SYNE2: variants seen among roughly 807,000 people sequenced by gnomAD.
SYNE2 encodes spectrin repeat containing nuclear envelope protein 2, also known as nesprin-2.
SYNE2 carries 431 observed loss-of-function variants against 856.3 expected under a neutral mutation model. The observed-to-expected ratio is 0.50, with a 90% confidence interval of 0.47 to 0.55. SYNE2 has a LOEUF of 0.55. SYNE2 is among the 20% of genes least tolerant of loss of function. The probability of loss-of-function intolerance (pLI) is 0.00; values close to 1 mark genes in which losing one functional copy is unlikely to be tolerated. For synonymous variants in SYNE2, 2,923 were observed against 2,872.3 expected, an observed-to-expected ratio of 1.02 and a Z score of -0.56; for missense variants, 8,129 against 8,023.2, an observed-to-expected ratio of 1.01 and a Z score of -0.50.
chr14:64,170,549 T>C, intron 94 of SYNE2, 87 bp downstream of exon 94: 2 of 1,340,862 alleles, frequency 1.5e-6, no homozygotes, highest in African/African-American at 1.5e-5. Flanking sequence ...ATGTTTTTGA[T>C]GATGATGTGA....
intron 100 of SYNE2, among the ~76,000 whole-genome samples, chr14:64,203,663 T>C (rs2098590112): frequency 6.6e-6 from 1 of 152,244 alleles, no homozygotes; most frequent in South Asian, 2.1e-4. Context: ...CTTTACTTTT[T>C]TTTTAAATAG....
At chr14:63,948,166 T>TAC (rs59063086) in intron 6 of SYNE2, among the ~76,000 whole-genome samples, 4,399 of 147,316 alleles carry the variant, frequency 0.03, 70 homozygotes, top group African/African-American at 0.045. Context: ...GACACACACA[T>TAC]ACACACACAC....
chr14:64,029,763 C>A, intron 43 of SYNE2, 132 bp from the exon 44 acceptor site: 2 of 1,110,730 alleles, frequency 1.8e-6, no homozygotes, highest in Non-Finnish European at 2.6e-6. Context: ...ATCTTTAGAA[C>A]TCTAATTTAT....
intron 20 of SYNE2, 42 bp from the exon 21 acceptor site, chr14:63,990,900 A>G (rs1476809031): frequency 1.3e-6 from 2 of 1,537,154 alleles, no homozygotes; most frequent in Non-Finnish European, 1.8e-6. Flanking sequence ...ATTTATTAAG[A>G]ATTGGTCCCC....
intron 99 of SYNE2, among the ~76,000 whole-genome samples, chr14:64,195,901 C>A (rs770937625): frequency 9.2e-5 from 14 of 152,184 alleles, no homozygotes; most frequent in Non-Finnish European, 2.1e-4. Flanking sequence ...TCCTCACTTC[C>A]ATTTTCCTTC....
intron 1 of SYNE2, among the ~76,000 whole-genome samples, chr14:63,813,428 T>C (rs1270076135): frequency 6.6e-6 from 1 of 152,240 alleles, no homozygotes; most frequent in African/African-American, 2.4e-5. Context: ...TTTCCTCCAA[T>C]GTCTAGCTAT....
At chr14:64,174,333 A>G (rs753434615) in intron 94 of SYNE2, among the ~76,000 whole-genome samples, 1 of 152,136 alleles carries the variant, frequency 6.6e-6, no homozygotes, top group East Asian at 1.9e-4. Flanking sequence ...TGGCCTCCCA[A>G]AGTGCTGGGA....
At chr14:64,041,531 A>T (rs1347249043) in intron 45 of SYNE2, among the ~76,000 whole-genome samples, 1 of 152,158 alleles carries the variant, frequency 6.6e-6, no homozygotes, top group Non-Finnish European at 1.5e-5. Context: ...AGAAGGCAGG[A>T]CTCGTATGTC....
At chr14:64,125,790 CAT>C (rs2097939244) in intron 71 of SYNE2, among the ~76,000 whole-genome samples, 1 of 152,172 alleles carries the variant, frequency 6.6e-6, no homozygotes, top group South Asian at 2.1e-4. Context: ...TGCTTGGAGT[CAT>C]ACACCTAAGC....
chr14:64,215,929 C>T (rs2098664339), intron 107 of SYNE2: 1 of 1,310,860 alleles, frequency 7.6e-7, no homozygotes, highest in African/African-American at 1.5e-5. Flanking sequence ...TCCTGAGAGG[C>T]CTTCTGCCAT....
intron 1 of SYNE2, among the ~76,000 whole-genome samples, chr14:63,787,199 ATCTTC>A (rs1566565967): frequency 6.6e-6 from 1 of 152,124 alleles, no homozygotes; most frequent in African/African-American, 2.4e-5. Context: ...AACATTCCAA[ATCTTC>A]TCTTCTAGCT....
intron 45 of SYNE2, among the ~76,000 whole-genome samples, chr14:64,038,684 A>G (rs1297093651): frequency 6.6e-6 from 1 of 152,238 alleles, no homozygotes; most frequent in Non-Finnish European, 1.5e-5. Context: ...CCATCAAAAA[A>G]ATACGAAAAC....
intron 8 of SYNE2, among the ~76,000 whole-genome samples, chr14:63,958,931 C>A (rs545974886): frequency 6.6e-6 from 1 of 152,208 alleles, no homozygotes; most frequent in African/African-American, 2.4e-5. Flanking sequence ...GGAGCTCTTT[C>A]AGTTGGCTCT....
At chr14:64,191,073 T>C (rs1370977374) in intron 99 of SYNE2, 6 of 701,928 alleles carry the variant, frequency 8.5e-6, no homozygotes, top group Admixed American at 6.0e-5. Context: ...GAATTTGGAA[T>C]ATACAGGAGA....
At chr14:64,130,394 T>G (rs1250632773) in intron 76 of SYNE2, 146 bp downstream of exon 76, 1 of 795,550 alleles carries the variant, frequency 1.3e-6, no homozygotes, top group African/African-American at 1.7e-5. Flanking sequence ...GAATGCTTAA[T>G]GTGTACCAGG....
intron 93 of SYNE2, among the ~76,000 whole-genome samples, chr14:64,169,452 G>A (rs1011541234): frequency 6.6e-6 from 1 of 152,238 alleles, no homozygotes; most frequent in African/African-American, 2.4e-5. Context: ...GTGCCAATCA[G>A]GCTGAACAGA....
At position 64,140,048 on chromosome 14, in the gene SYNE2, T is replaced by A; in HGVS notation, c.14951T>A (p.Ile4984Asn). 6.2e-7 allele frequency: 1 copy of A among 1,613,888 alleles called. No individual in the cohort carries two copies. Among genetic ancestry groups the A allele is most frequent in the Non-Finnish European group, 8.5e-7 (1 of 1,179,970 alleles). Reference sequence around the variant, plus strand: ...AATGTGTCTCAGGACTTGGATACAATCAGAAGCAACATCAACAATTTTTTT... The same window carrying A: ...AATGTGTCTCAGGACTTGGATACAAACAGAAGCAACATCAACAATTTTTTT... ...SLNVSQDLDT[I>N]RSNINNFFEF... is the part of the protein sequence containing the mutation. Residue 4984 changes from isoleucine to asparagine, a missense_variant, in exon 80 of 116, where the codon ATC (isoleucine) becomes AAC (asparagine). Physicochemically the swap from Ile to Asn is moderately radical, Grantham distance 149. Coordinates refer to ENST00000555002, the MANE Select transcript of SYNE2 (RefSeq NM_182914.3).
At position 64,216,332 on chromosome 14, in the gene SYNE2, A is replaced by G; in HGVS notation, c.19487A>G (p.Asp6496Gly). 6.2e-7 allele frequency: 1 copy of G among 1,614,202 alleles called. No homozygotes were observed. Among genetic ancestry groups the G allele is most frequent in the East Asian group, 2.2e-5 (1 of 44,888 alleles). Reference protein sequence around the residue: ...PEHHYKQMEGDRNVPPVPPAS... With the variant: ...PEHHYKQMEGGRNVPPVPPAS... ...CATCACTACAAGCAAATGGAAGGTG[A>G]CAGGAATGTTCCACCTGTTCCCCCT... Residue 6496 changes from aspartate to glycine, a missense_variant, in exon 108 of 116, where the codon GAC becomes GGC. Transcript: ENST00000555002.
chr14:64,039,674 C>T (rs142435734), intron 45 of SYNE2, among the ~76,000 whole-genome samples: 2 of 152,256 alleles, frequency 1.3e-5, no homozygotes, highest in East Asian at 3.9e-4. Context: ...TTTATTTATG[C>T]TCAGAAGCTC....
Sources: allele counts gnomAD v4.1 joint callset (sites outside exome capture counted in the v4.1 genomes callset), GRCh38; gene constraint gnomAD v4.1.1; transcripts MANE v1.5; gene names NCBI Gene and HGNC (gene_info 2026-07-23, HGNC 2026-07-21).